Variants in PRKN observed in about 807,000 individuals in gnomAD.
The protein encoded by PRKN is parkin RBR E3 ubiquitin protein ligase.
In PRKN, 56 loss-of-function variants were observed where a neutral mutation model predicts 59.5. The observed-to-expected ratio is 0.94, with a 90% confidence interval of 0.76 to 1.18. The LOEUF (loss-of-function observed/expected upper bound fraction) is 1.18, where lower values mean the gene tolerates loss of function less well. Among genes scored for constraint, PRKN ranks in the 50% most tolerant of loss-of-function variants. The pLI, the probability that PRKN is intolerant of heterozygous loss-of-function variation, is 0.00. For missense variants in PRKN, 657 were observed against 596.4 expected, an observed-to-expected ratio of 1.10 and a Z score of -1.06; for synonymous variants, 250 against 222.1, an observed-to-expected ratio of 1.13 and a Z score of -1.12.
At chr6:161,951,212 T>C (rs1779978530) in intron 6 of PRKN, among the ~76,000 whole-genome samples, 2 of 152,096 alleles carry the variant, frequency 1.3e-5, no homozygotes, top group Admixed American at 6.5e-5. Context: ...CGAAACAGTA[T>C]GGCAAGACAG....
chr6:161,733,802 A>ATATATATG (rs1554298525), intron 7 of PRKN, among the ~76,000 whole-genome samples: 41 of 118,834 alleles, frequency 3.5e-4, no homozygotes, highest in African/African-American at 1.9e-3. Flanking sequence ...ATATATGTAT[A>ATATATATG]TATATATATA....
chr6:162,690,175 C>T (rs1312148281), intron 1 of PRKN, among the ~76,000 whole-genome samples: 1 of 151,698 alleles, frequency 6.6e-6, no homozygotes, highest in Non-Finnish European at 1.5e-5. Context: ...AACGAGTAAC[C>T]TCGCTTTAGC....
In PRKN at chr6:161,981,090, C is replaced by T. The variant is rs1010732276; in HGVS notation, c.619-7673G>A. ...GTGGTTACTGCTTATGAGATGAACTCGTAATAAGTATCTTACATCTATATC... is the reference window on the plus strand; with the variant it reads ...GTGGTTACTGCTTATGAGATGAACTTGTAATAAGTATCTTACATCTATATC... On this transcript the variant is annotated intron_variant, in intron 5 of 11. Transcript: ENST00000366898. Among the ~76,000 whole-genome samples, 5 of 152,130 alleles carry T rather than the reference C, an allele frequency of 3.3e-5. No individual in the cohort carries two copies. In the East Asian group the frequency reaches 5.8e-4, roughly 18 times the overall value.
intron 2 of PRKN, among the ~76,000 whole-genome samples, chr6:162,353,589 G>A (rs1249622532): frequency 6.6e-6 from 1 of 151,966 alleles, no homozygotes; most frequent in African/African-American, 2.4e-5. Context: ...ATAGAGACAT[G>A]AATAATACAC....
At chr6:161,605,757 G>T (rs2128144761) in intron 7 of PRKN, among the ~76,000 whole-genome samples, 1 of 152,222 alleles carries the variant, frequency 6.6e-6, no homozygotes, top group South Asian at 2.1e-4. Context: ...TAGTCTGCCT[G>T]CCTCGGCCTC....
chr6:161,889,356 A>C (rs569329981), intron 6 of PRKN, among the ~76,000 whole-genome samples: 1 of 152,062 alleles, frequency 6.6e-6, no homozygotes, highest in Admixed American at 6.5e-5. Context: ...GAGAGCCCAG[A>C]TGTCCCTTAT....
intron 3 of PRKN, among the ~76,000 whole-genome samples, chr6:162,248,477 G>C (rs1001781804): frequency 6.6e-6 from 1 of 152,054 alleles, no homozygotes; most frequent in Non-Finnish European, 1.5e-5. Context: ...TAAACCACAG[G>C]CCTGGGGTTG....
intron 4 of PRKN, among the ~76,000 whole-genome samples, chr6:162,172,115 G>A (rs1185909187): frequency 6.6e-6 from 1 of 152,238 alleles, no homozygotes; most frequent in Admixed American, 6.5e-5. Flanking sequence ...AGGACACAGA[G>A]TAAGTGATAG....
chr6:161,659,105 T>C (rs566920779), intron 7 of PRKN, among the ~76,000 whole-genome samples: 1 of 152,316 alleles, frequency 6.6e-6, no homozygotes, highest in East Asian at 1.9e-4. Flanking sequence ...CAAATCTATG[T>C]TCTGTGCTTC....
chr6:162,583,257 A>C (rs1780858970), intron 1 of PRKN, among the ~76,000 whole-genome samples: 1 of 152,190 alleles, frequency 6.6e-6, no homozygotes, highest in Non-Finnish European at 1.5e-5. Context: ...CACATTACCT[A>C]GTCTGTGATA....
chr6:162,626,709 G>A (rs2128221842), intron 1 of PRKN, among the ~76,000 whole-genome samples: 1 of 151,932 alleles, frequency 6.6e-6, no homozygotes, highest in East Asian at 2.0e-4. Context: ...AGCTACTTTG[G>A]AGGCTGAGGC....
At chr6:162,114,625 A>G (rs1207063400) in intron 4 of PRKN, among the ~76,000 whole-genome samples, 1 of 151,826 alleles carries the variant, frequency 6.6e-6, no homozygotes, top group Non-Finnish European at 1.5e-5. Context: ...CAGAATCTAC[A>G]ATGAACTCAA....
At chr6:162,310,483 T>C (rs1782448524) in intron 2 of PRKN, among the ~76,000 whole-genome samples, 1 of 152,078 alleles carries the variant, frequency 6.6e-6, no homozygotes, top group African/African-American at 2.4e-5. Context: ...CCCTGGAGCC[T>C]GCAGGAGCAA....
intron 9 of PRKN, among the ~76,000 whole-genome samples, chr6:161,489,583 A>C (rs1216721972): frequency 6.6e-6 from 1 of 152,140 alleles, no homozygotes; most frequent in Non-Finnish European, 1.5e-5. Context: ...ACAAACCCAA[A>C]ACAAAAACAA....
chr6:161,950,674 G>T (rs1027336028), intron 6 of PRKN, among the ~76,000 whole-genome samples: 1 of 152,146 alleles, frequency 6.6e-6, no homozygotes, highest in African/African-American at 2.4e-5. Flanking sequence ...CTTGCTAAGG[G>T]TATGGCGTTG....
chr6:161,928,555 G>A (rs914032232), intron 6 of PRKN, among the ~76,000 whole-genome samples: 4 of 152,134 alleles, frequency 2.6e-5, no homozygotes, highest in Non-Finnish European at 5.9e-5. Flanking sequence ...GGTTCCGTAT[G>A]GACTAGGGTG....
intron 7 of PRKN, among the ~76,000 whole-genome samples, chr6:161,673,288 G>A (rs2128169709): frequency 6.6e-6 from 1 of 152,310 alleles, no homozygotes; most frequent in East Asian, 1.9e-4. Context: ...GGCTGGGAAT[G>A]CCTGGAGAAG....
intron 4 of PRKN, among the ~76,000 whole-genome samples, chr6:162,118,960 C>CA (rs1437793137): frequency 6.6e-6 from 1 of 152,126 alleles, no homozygotes; most frequent in Non-Finnish European, 1.5e-5. Context: ...CATTTGTGAC[C>CA]AACAGCACAC....
intron 7 of PRKN, among the ~76,000 whole-genome samples, chr6:161,688,235 G>A (rs1192996353): frequency 6.6e-6 from 1 of 152,196 alleles, no homozygotes; most frequent in African/African-American, 2.4e-5. Flanking sequence ...GAATGGCTAG[G>A]TCATTTTCAC....
Sources: allele counts gnomAD v4.1 joint callset (sites outside exome capture counted in the v4.1 genomes callset), GRCh38; gene constraint gnomAD v4.1.1; transcripts MANE v1.5; gene names NCBI Gene and HGNC (gene_info 2026-07-23, HGNC 2026-07-21).